The following PLAAT1 variants were observed in gnomAD, a reference collection of about 807,000 sequenced individuals.
PLAAT1 encodes phospholipase A and acyltransferase 1, also known as H-REV107 protein-related protein.
Under a neutral mutation model 16.4 loss-of-function variants are expected in PLAAT1, and 13 were observed. The ratio of observed to expected loss-of-function variants is 0.79; its 90% CI spans 0.52 to 1.26. The LOEUF (loss-of-function observed/expected upper bound fraction) is 1.26. PLAAT1 is among the 50% of genes most tolerant of loss of function. PLAAT1 has a pLI of 0.00. For synonymous variants in PLAAT1, 73 were observed against 78.4 expected, an observed-to-expected ratio of 0.93 and a Z score of 0.36; for missense variants, 218 against 207.8, an observed-to-expected ratio of 1.05 and a Z score of -0.30.
At chr3:193,280,003 A>AG (rs1717410221), downstream of PLAAT1, among the ~76,000 whole-genome samples, 1 of 147,732 alleles carries the variant, frequency 6.8e-6, no homozygotes, top group African/African-American at 2.5e-5. Context: ...AAAAAAAAAA[A>AG]GCCCTGTGTA....
At chr3:193,255,610 A>G (rs1282154373) in intron 1 of PLAAT1, 41 bp from the exon 2 acceptor site, 1 of 1,554,196 alleles carries the variant, frequency 6.4e-7, no homozygotes, top group Non-Finnish European at 8.7e-7. Context: ...TTCTTTTGGC[A>G]AGTTGTATTA....
At position 193,241,301 on chromosome 3, in the gene PLAAT1, G is replaced by T; in HGVS notation, c.-233G>T. The stretch of plus-strand genomic sequence containing the variant: ...CCCCCCGGCGTGCGGGCGTCTCAGA[G>T]CCGCGGAGGGGCCGCCGGGACCGTT... On this transcript the variant is annotated 5_prime_UTR_variant, in exon 1 of 4. Coordinates refer to ENST00000264735, the MANE Select transcript of PLAAT1 (RefSeq NM_020386.5). 8.1e-7 allele frequency: 1 copy of T among 1,230,980 alleles called. No individual in the cohort carries two copies. The highest frequency in any genetic ancestry group is 1.6e-5 in the African/African-American group (1 of 64,486). 76.3% of individuals were successfully genotyped at this position (1,230,980 alleles called of 1,614,324 possible). A position where few individuals can be genotyped will look rare whatever the true frequency, so the allele number is the denominator to read the frequency against.
At chr3:193,250,494 A>G (rs1294872296) in intron 1 of PLAAT1, among the ~76,000 whole-genome samples, 3 of 152,174 alleles carry the variant, frequency 2.0e-5, no homozygotes, top group African/African-American at 7.2e-5. Context: ...TTAAAAAGCC[A>G]CGTTTTTGTT....
At chr3:193,255,040 A>G (rs1716322460) in intron 1 of PLAAT1, among the ~76,000 whole-genome samples, 3 of 152,150 alleles carry the variant, frequency 2.0e-5, no homozygotes, top group African/African-American at 4.8e-5. Context: ...AGTACTCACA[A>G]AATATTAAAT....
Position 193,270,069 on chromosome 3 carries a change from A to AATACACACACACACACACACAC in PLAAT1, c.406-534_406-533insTACACACACACACACACACACA, listed in dbSNP as rs34199975. Reference sequence around the variant, plus strand: ...ATTATTTGCTATTTGACATCCCTGAAACACACACACACACACACACACACA... The same window carrying AATACACACACACACACACACAC: ...ATTATTTGCTATTTGACATCCCTGAAATACACACACACACACACACACACACACACACACACACACACACACA... On this transcript the variant is annotated intron_variant, in intron 3 of 3. Transcript: ENST00000264735. 1.0e-4 allele frequency among the ~76,000 whole-genome samples: 15 copies of AATACACACACACACACACACAC among 147,988 alleles called. No homozygotes were observed. In the East Asian group the frequency reaches 1.4e-3, roughly 14 times the overall value.
downstream of PLAAT1, among the ~76,000 whole-genome samples, chr3:193,273,585 A>G (rs1156776567): frequency 6.6e-6 from 1 of 152,204 alleles, no homozygotes; most frequent in Non-Finnish European, 1.5e-5. Flanking sequence ...CATAATTGGC[A>G]CTCATGTAAT....
chr3:193,241,653 T>A (rs1327263679), intron 1 of PLAAT1, 120 bp downstream of exon 1: 2 of 635,664 alleles, frequency 3.1e-6, no homozygotes, highest in Non-Finnish European at 4.5e-6. Context: ...TCCACCCTCC[T>A]CTTTTTCACA....
chr3:193,263,236 G>T lies in PLAAT1; in HGVS notation c.405+1G>T, dbSNP rs771496912. ...CTATGGAGAAGGAGTTTCAGAGCAG[G>T]TAAGTTTTCTTTAGGAGATATTCTT... On this transcript the variant is annotated splice_donor_variant, in intron 3 of 3. Coordinates refer to ENST00000264735, the MANE Select transcript of PLAAT1 (RefSeq NM_020386.5). LOFTEE classifies it high-confidence loss of function. The T allele has an allele frequency of 3.7e-6, 6 of 1,612,784 alleles. No individual in the cohort carries two copies. The East Asian group carries it at 1.1e-4, about 30-fold the overall frequency.
At chr3:193,279,532 A>G, downstream of PLAAT1, 6 of 1,154,834 alleles carry the variant, frequency 5.2e-6, no homozygotes, top group East Asian at 2.4e-5. Context: ...AGAATCAATT[A>G]TCTCTGTTGG....
intron 2 of PLAAT1, among the ~76,000 whole-genome samples, chr3:193,277,147 C>A (rs1173871992): frequency 3.9e-5 from 6 of 152,104 alleles, no homozygotes; most frequent in African/African-American, 1.4e-4. Flanking sequence ...CCATTTTTAT[C>A]TTTTCAAACA....
chr3:193,269,083 T>C (rs1485963450), intron 3 of PLAAT1, among the ~76,000 whole-genome samples: 3 of 152,158 alleles, frequency 2.0e-5, no homozygotes, highest in Non-Finnish European at 4.4e-5. Context: ...TAGTGACTCT[T>C]CCTCTTCTTT....
chr3:193,253,072 T>C (rs1044427983), intron 1 of PLAAT1, among the ~76,000 whole-genome samples: 6 of 152,160 alleles, frequency 3.9e-5, no homozygotes, highest in African/African-American at 1.2e-4. Context: ...TGTTTTGACA[T>C]GGTACCCACT....
At chr3:193,279,584 A>G (rs1479449441), downstream of PLAAT1, 2 of 669,470 alleles carry the variant, frequency 3.0e-6, no homozygotes, top group Non-Finnish European at 5.3e-6. Context: ...ATATATCCTC[A>G]TATGTTTTGA....
chr3:193,256,636 T>A (rs1334025424), intron 2 of PLAAT1, among the ~76,000 whole-genome samples: 1 of 152,186 alleles, frequency 6.6e-6, no homozygotes, highest in Non-Finnish European at 1.5e-5. Flanking sequence ...GTGATAACGA[T>A]CAGTGTTGAT....
intron 1 of PLAAT1, 151 bp from the exon 2 acceptor site, chr3:193,255,500 T>C: frequency 2.9e-6 from 2 of 687,066 alleles, no homozygotes; most frequent in Non-Finnish European, 4.5e-6. Context: ...TTGGAATCAT[T>C]CAAAGAAAAG....
intron 1 of PLAAT1, among the ~76,000 whole-genome samples, chr3:193,253,305 GA>G (rs1386054909): frequency 6.6e-6 from 1 of 152,054 alleles, no homozygotes. Context: ...AACAGTTTAT[GA>G]ATCAATTTAT....
chr3:193,264,292 G>A (rs574977707), intron 3 of PLAAT1, among the ~76,000 whole-genome samples: 1 of 152,226 alleles, frequency 6.6e-6, no homozygotes, highest in South Asian at 2.1e-4. Flanking sequence ...TTATTTAAAC[G>A]CTGCACCTCT....
intron 1 of PLAAT1, among the ~76,000 whole-genome samples, chr3:193,250,318 T>C (rs1002368900): frequency 6.6e-6 from 1 of 152,124 alleles, no homozygotes; most frequent in Non-Finnish European, 1.5e-5. Flanking sequence ...ACTGAGGTGT[T>C]AGTTGTGTGT....
chr3:193,273,521 A>G (rs1717056362), downstream of PLAAT1, among the ~76,000 whole-genome samples: 2 of 152,228 alleles, frequency 1.3e-5, no homozygotes, highest in South Asian at 4.1e-4. Flanking sequence ...AAGATTTCAG[A>G]ATTGTAAACT....
Sources: allele counts gnomAD v4.1 joint callset (sites outside exome capture counted in the v4.1 genomes callset), GRCh38; gene constraint gnomAD v4.1.1; transcripts MANE v1.5; gene names NCBI Gene and HGNC (gene_info 2026-07-23, HGNC 2026-07-21).